UBAP2: variants seen among roughly 807,000 people sequenced by gnomAD.
UBAP2 encodes the protein ubiquitin-associated protein 2.
In UBAP2, 75 loss-of-function variants were observed where a neutral mutation model predicts 139.6. The ratio of observed to expected loss-of-function variants is 0.54; its 90% confidence interval spans 0.45 to 0.65. The LOEUF (loss-of-function observed/expected upper bound fraction) is 0.65. Ranked by LOEUF, UBAP2 falls within the 30% of genes least tolerant of loss-of-function variation. The pLI is 0.00. For synonymous variants in UBAP2, 526 were observed against 526.2 expected (o/e 1.00, Z 0.01); for missense variants, 1,368 against 1,369.6 (o/e 1.00, Z 0.02).
chr9:34,031,793 AAAAAAAAAAAG>A (rs962595089), intron 1 of UBAP2, among the ~76,000 whole-genome samples: 1 of 151,464 alleles, frequency 6.6e-6, no homozygotes, highest in Non-Finnish European at 1.5e-5. Context: ...CCAAACCAAA[AAAAAAAAAAAG>A]AAAGAAAAAA....
intron 6 of UBAP2, among the ~76,000 whole-genome samples, chr9:33,981,803 G>C (rs952229225): frequency 7.6e-6 from 1 of 132,074 alleles, no homozygotes; most frequent in Admixed American, 8.0e-5. Context: ...AGGAAGGAAG[G>C]AAGGGTGGAA....
rs1253696885 is a variant in UBAP2, at chr9:33,922,465, A to G, written c.*39T>C. 2.5e-6 allele frequency: 4 copies of G among 1,593,706 alleles called. No individual in the cohort carries two copies. The highest frequency in any genetic ancestry group is 1.7e-4 in the Middle Eastern group (1 of 6,052). ...CGTGCTCGTGTGTTCTCTCCTGCCCAGGATAAGCCTTGCCCCAGCCCACCC... is the reference window on the plus strand; with the variant it reads ...CGTGCTCGTGTGTTCTCTCCTGCCCGGGATAAGCCTTGCCCCAGCCCACCC... On this transcript the variant is annotated 3_prime_UTR_variant, in exon 29 of 29. Transcript: ENST00000379238.
At chr9:34,048,675 G>C (rs563337070) in intron 1 of UBAP2, 150 bp downstream of exon 1, 4 of 152,504 alleles carry the variant, frequency 2.6e-5, no homozygotes, top group Non-Finnish European at 4.4e-5. Context: ...TGGACCTGGC[G>C]AGTGAAGCTC....
intron 7 of UBAP2, among the ~76,000 whole-genome samples, chr9:33,972,064 T>C (rs1212085258): frequency 6.6e-6 from 1 of 152,176 alleles, no homozygotes; most frequent in African/African-American, 2.4e-5. Flanking sequence ...GAATAAGAGC[T>C]CTTATGAGAG....
intron 6 of UBAP2, among the ~76,000 whole-genome samples, chr9:33,982,474 G>C (rs1820847058): frequency 1.3e-5 from 2 of 152,090 alleles, no homozygotes; most frequent in South Asian, 4.1e-4. Context: ...TTTATATAAA[G>C]CGAACGTAAT....
At chr9:33,944,785 AT>A in intron 13 of UBAP2, 146 bp from the exon 14 acceptor site, 1 of 952,052 alleles carries the variant, frequency 1.1e-6, no homozygotes, top group Non-Finnish European at 1.5e-6. Flanking sequence ...GTAACACTTC[AT>A]TTATGATAAA....
intron 19 of UBAP2, 146 bp downstream of exon 19, chr9:33,932,416 G>A (rs958558693): frequency 1.7e-5 from 15 of 907,222 alleles, no homozygotes; most frequent in Admixed American, 5.7e-5. Flanking sequence ...TCAGAAGCTC[G>A]AACCAGATCA....
In UBAP2 at chr9:33,969,921, CTTTTTTTTTTTTTT is replaced by C. The variant is rs1173625005; in HGVS notation, c.679+1716_679+1729del. Among the ~76,000 whole-genome samples the C allele has an allele frequency of 1.6e-3, 74 of 46,184 alleles. 3 individuals carry two copies. The highest frequency in any genetic ancestry group is 5.8e-3 in the African/African-American group (65 of 11,276). The allele number at this position is 46,184 out of a possible 152,430, so 30.3% of individuals were successfully genotyped here. A position where few individuals can be genotyped will look rare whatever the true frequency, so the allele number is the denominator to read the frequency against. ...GCAAACTTAAATACCGTGTATAATT[CTTTTTTTTTTTTTT>C]TTTTTTTTTTTTGAGACAGAGTCCC... On this transcript the variant is annotated intron_variant, in intron 8 of 28. Coordinates refer to ENST00000379238, the MANE Select transcript of UBAP2 (RefSeq NM_001370062.2).
At chr9:33,944,715 T>TA in intron 13 of UBAP2, 76 bp from the exon 14 acceptor site, 1 of 1,483,678 alleles carries the variant, frequency 6.7e-7, no homozygotes, top group Non-Finnish European at 9.1e-7. Flanking sequence ...AGTGTTCTAT[T>TA]ACCACCAATT....
intron 6 of UBAP2, among the ~76,000 whole-genome samples, chr9:33,975,240 G>A (rs1015518993): frequency 6.6e-6 from 1 of 151,344 alleles, no homozygotes; most frequent in Non-Finnish European, 1.5e-5. Context: ...GACCAGCCTG[G>A]CCAATATGGT....
intron 1 of UBAP2, among the ~76,000 whole-genome samples, chr9:34,048,570 C>A (rs555137008): frequency 1.3e-5 from 2 of 152,202 alleles, no homozygotes; most frequent in African/African-American, 4.8e-5. Context: ...CTGGGTGGGG[C>A]CCAGCCGACC....
At chr9:34,019,508 G>GGGGGTA (rs1314867985) in intron 1 of UBAP2, among the ~76,000 whole-genome samples, 4 of 152,110 alleles carry the variant, frequency 2.6e-5, no homozygotes, top group Admixed American at 6.6e-5. Flanking sequence ...ACCAGAGGCT[G>GGGGGTA]GGGGTAGGGG....
chr9:33,954,268 A>ACACACACACACG (rs1826355169), intron 11 of UBAP2, among the ~76,000 whole-genome samples: 1 of 66,742 alleles, frequency 1.5e-5, no homozygotes. Flanking sequence ...GTGTGTGTAT[A>ACACACACACACG]TACACACACA....
At chr9:34,004,900 G>C (rs1367713276) in intron 2 of UBAP2, among the ~76,000 whole-genome samples, 1 of 152,014 alleles carries the variant, frequency 6.6e-6, no homozygotes, top group African/African-American at 2.4e-5. Flanking sequence ...GGGCAACATA[G>C]TGAGACCCCC....
intron 6 of UBAP2, among the ~76,000 whole-genome samples, chr9:33,974,324 T>C (rs992546606): frequency 7.3e-5 from 11 of 151,602 alleles, no homozygotes; most frequent in African/African-American, 2.7e-4. Flanking sequence ...CTTGGGCAAA[T>C]GGCAAAACCT....
At chr9:34,047,491 C>A (rs1299270220) in intron 1 of UBAP2, among the ~76,000 whole-genome samples, 2 of 152,154 alleles carry the variant, frequency 1.3e-5, no homozygotes, top group Non-Finnish European at 1.5e-5. Context: ...CAACTTCCTT[C>A]CACCTTTCAC....
chr9:34,016,663 C>T (rs1384940283), intron 2 of UBAP2, among the ~76,000 whole-genome samples: 1 of 151,704 alleles, frequency 6.6e-6, no homozygotes, highest in Non-Finnish European at 1.5e-5. Flanking sequence ...TCAAGCGATT[C>T]TCCTGCCTTA....
chr9:33,978,258 G>A (rs550070721), intron 6 of UBAP2, among the ~76,000 whole-genome samples: 1 of 151,984 alleles, frequency 6.6e-6, no homozygotes, highest in South Asian at 2.1e-4. Flanking sequence ...CGTAAGCTGG[G>A]TCTGGTGGCT....
chr9:34,016,603 T>C (rs1249908215), intron 2 of UBAP2, among the ~76,000 whole-genome samples: 1 of 151,760 alleles, frequency 6.6e-6, no homozygotes, highest in Non-Finnish European at 1.5e-5. Flanking sequence ...TCACCCAGGC[T>C]GGAGGGCAGT....
Sources: gnomAD v4.1 joint callset for allele counts (sites outside exome capture counted in the v4.1 genomes callset) on GRCh38, gnomAD v4.1.1 for gene constraint, MANE v1.5 for transcripts, NCBI Gene and HGNC (gene_info 2026-07-23, HGNC 2026-07-21) for gene names.